The following SPTLC2 variants were observed in gnomAD, a reference collection of about 807,000 sequenced individuals.
SPTLC2 encodes serine palmitoyltransferase long chain base subunit 2.
In SPTLC2, 21 loss-of-function variants were observed where a neutral mutation model predicts 62.0. The ratio of observed to expected loss-of-function variants is 0.34; its 90% CI spans 0.24 to 0.49. SPTLC2 has a LOEUF of 0.49. Ranked by LOEUF, SPTLC2 falls within the 20% of genes least tolerant of loss-of-function variation. The pLI is 0.99. For missense variants in SPTLC2, 511 were observed against 713.0 expected (o/e 0.72, Z 3.23); for synonymous variants, 261 against 261.8 (o/e 1.00, Z 0.03).
chr14:77,594,091 C>G (rs771259989), intron 2 of SPTLC2, among the ~76,000 whole-genome samples: 10 of 152,186 alleles, frequency 6.6e-5, no homozygotes, highest in Non-Finnish European at 1.2e-4. Context: ...CTCCCATTTC[C>G]TTGTATTACT....
In SPTLC2 at chr14:77,615,401, A is replaced by G. The variant is rs2079961000; in HGVS notation, c.132+1047T>C. Among the ~76,000 whole-genome samples the G allele has an allele frequency of 2.6e-5, 4 of 152,330 alleles. No individual in the cohort carries two copies. In the South Asian group the frequency reaches 8.3e-4, roughly 32 times the overall value. On this transcript the variant is annotated intron_variant, in intron 1 of 11. Transcript: ENST00000216484. Reference sequence around the variant, plus strand: ...ACTCATCTGGGGAGTAGTTATGTTAAAGCCAAATTAAGATCACCATCCTAT... The same window carrying G: ...ACTCATCTGGGGAGTAGTTATGTTAGAGCCAAATTAAGATCACCATCCTAT...
At chr14:77,537,539 G>A (rs1176547258) in intron 9 of SPTLC2, among the ~76,000 whole-genome samples, 4 of 152,076 alleles carry the variant, frequency 2.6e-5, no homozygotes, top group Non-Finnish European at 5.9e-5. Flanking sequence ...ATGAAAACAC[G>A]TTATGTATTC....
At chr14:77,609,507 C>T (rs2079923568) in intron 1 of SPTLC2, among the ~76,000 whole-genome samples, 3 of 152,106 alleles carry the variant, frequency 2.0e-5, no homozygotes, top group Admixed American at 2.0e-4. Context: ...AAGTCCGAAG[C>T]GGATGGATCA....
chr14:77,534,176 T>TCACACACACA (rs749098041), intron 9 of SPTLC2, among the ~76,000 whole-genome samples: 1 of 110,550 alleles, frequency 9.0e-6, no homozygotes, highest in East Asian at 2.8e-4. Context: ...TCTCTCTCTC[T>TCACACACACA]CTCACACACA....
chr14:77,564,400 T>TACACACACACACACAC (rs6145397), intron 5 of SPTLC2, among the ~76,000 whole-genome samples: 17 of 139,312 alleles, frequency 1.2e-4, no homozygotes, highest in African/African-American at 2.7e-4. Flanking sequence ...TATGCATGCA[T>TACACACACACACACAC]ACACACACAC....
At chr14:77,608,811 T>C (rs967841125) in intron 1 of SPTLC2, among the ~76,000 whole-genome samples, 23 of 151,754 alleles carry the variant, frequency 1.5e-4, no homozygotes, top group African/African-American at 5.6e-4. Flanking sequence ...TCCAGCACTT[T>C]GGGAGGCTGA....
At position 77,616,437 on chromosome 14, in the gene SPTLC2, G is replaced by A; in HGVS notation, c.132+11C>T. Reference sequence around the variant, plus strand: ...CCGCCACCCCGGCCCCGCCGCGCGGGCCCCTCGTACCTGGCCGGCGGCGGC... The same window carrying A: ...CCGCCACCCCGGCCCCGCCGCGCGGACCCCTCGTACCTGGCCGGCGGCGGC... On this transcript the variant is annotated intron_variant, in intron 1 of 11. Transcript: ENST00000216484. 8 of 1,434,880 alleles carry A rather than the reference G, an allele frequency of 5.6e-6. No individual in the cohort carries two copies. The South Asian group carries it at 6.8e-5, about 12-fold the overall frequency. The allele number at this position is 1,434,880 out of a possible 1,614,324, so 88.9% of individuals were successfully genotyped here. A position where few individuals can be genotyped will look rare whatever the true frequency, so the allele number is the denominator to read the frequency against.
At chr14:77,570,237 A>G (rs2079673167) in intron 5 of SPTLC2, 147 bp downstream of exon 5, 5 of 1,173,462 alleles carry the variant, frequency 4.3e-6, no homozygotes, top group East Asian at 2.6e-5. Flanking sequence ...AAAAAAAAAA[A>G]AAAGAAAAAC....
intron 5 of SPTLC2, among the ~76,000 whole-genome samples, chr14:77,567,719 T>C (rs955826307): frequency 5.3e-5 from 8 of 152,172 alleles, no homozygotes; most frequent in African/African-American, 1.9e-4. Flanking sequence ...AATTTTCCTA[T>C]TGTCTATTTT....
Position 77,507,303 on chromosome 14 carries a change from C to T in SPTLC2, c.*4981G>A, listed in dbSNP as rs541638076. 1 of 151,244 alleles carries T rather than the reference C, an allele frequency of 6.6e-6. No homozygotes were observed. The highest frequency in any genetic ancestry group is 6.6e-5 in the Admixed American group (1 of 15,212). The allele number at this position is 151,244 out of a possible 1,614,324, so 9.4% of individuals were successfully genotyped here. ...TCTAATTTGGCTCTCTGGCTGGGCACATGGCAATGGCTAGGGGCCTGGGCA... is the reference window on the plus strand; with the variant it reads ...TCTAATTTGGCTCTCTGGCTGGGCATATGGCAATGGCTAGGGGCCTGGGCA... On this transcript the variant is annotated 3_prime_UTR_variant, in exon 12 of 12. Coordinates refer to ENST00000216484, the MANE Select transcript of SPTLC2 (RefSeq NM_004863.4).
Position 77,579,064 on chromosome 14 carries a change from T to C in SPTLC2, c.373A>G (p.Asn125Asp). ...YQDFENFYTR[N>D]LYMRIRDNWN... ...TTGTCTCTTATCCTCATGTACAGAT[T>C]CCTTGTATAAAAGTTTTCAAAATCT... Residue 125 changes from asparagine to aspartate, a missense_variant, in exon 3 of 12, where the codon AAT (asparagine) becomes GAT (aspartate). Physicochemically the swap from Asn to Asp is conservative, Grantham distance 23. Coordinates refer to ENST00000216484, the MANE Select transcript of SPTLC2 (RefSeq NM_004863.4). 1 of 1,614,154 alleles carries C rather than the reference T, an allele frequency of 6.2e-7. No homozygotes were observed.
At chr14:77,551,421 G>C (rs900861995) in intron 9 of SPTLC2, among the ~76,000 whole-genome samples, 2 of 144,728 alleles carry the variant, frequency 1.4e-5, no homozygotes, top group Non-Finnish European at 3.0e-5. Flanking sequence ...AAAGCGACAA[G>C]TGAAATTATT....
chr14:77,508,796 A>G lies in SPTLC2; in HGVS notation c.*3488T>C, dbSNP rs1021476138. ...CCAAAGGAGCTAGCTTAAGCCCCTA[A>G]TGAAAAGCCTCCTCCTGAAATGTAA... On this transcript the variant is annotated 3_prime_UTR_variant, in exon 12 of 12. Transcript: ENST00000216484. The G allele has an allele frequency of 1.3e-5, 2 of 152,206 alleles. No homozygotes were observed. The highest frequency in any genetic ancestry group is 4.8e-5 in the African/African-American group (2 of 41,450). The allele number at this position is 152,206 out of a possible 1,614,324, so 9.4% of individuals were successfully genotyped here. A position where few individuals can be genotyped will look rare whatever the true frequency, so the allele number is the denominator to read the frequency against.
rs191600355 is a variant in SPTLC2 at position 77,562,686 on chromosome 14, C to G, written c.757-197G>C. 2.7e-4 allele frequency among the ~76,000 whole-genome samples: 41 copies of G among 152,278 alleles called. 1 individual carries two copies. The highest frequency in any genetic ancestry group is 2.5e-3 in the Admixed American group (38 of 15,286). ...TGTAAAGACACCTTAAAAGTAGATG[C>G]AAAATTCTAGCCTTTTAATTTAATA... On this transcript the variant is annotated intron_variant, in intron 5 of 11. Transcript: ENST00000216484.
At chr14:77,575,594 C>CATAAT (rs2079711011) in intron 4 of SPTLC2, among the ~76,000 whole-genome samples, 2 of 152,054 alleles carry the variant, frequency 1.3e-5, no homozygotes, top group Non-Finnish European at 2.9e-5. Flanking sequence ...TGCAGTAGCA[C>CATAAT]GATCATAGCT....
rs957015698 is a variant in SPTLC2 at position 77,506,399 on chromosome 14, G to A, written c.*5885C>T. The A allele has an allele frequency of 2.6e-5, 4 of 152,180 alleles. No homozygotes were observed. Among genetic ancestry groups the A allele is most frequent in the African/African-American group, 9.7e-5 (4 of 41,448 alleles). 9.4% of individuals were successfully genotyped at this position (152,180 alleles called of 1,614,324 possible). Reference sequence around the variant, plus strand: ...TATGGGTCAACGAAGTAAGATCTCAGCTCTCCCATAAGCTATTGCTCTCTT... The same window carrying A: ...TATGGGTCAACGAAGTAAGATCTCAACTCTCCCATAAGCTATTGCTCTCTT... On this transcript the variant is annotated 3_prime_UTR_variant, in exon 12 of 12. Coordinates refer to ENST00000216484, the MANE Select transcript of SPTLC2 (RefSeq NM_004863.4).
intron 5 of SPTLC2, among the ~76,000 whole-genome samples, chr14:77,563,542 C>G (rs529382351): frequency 1.3e-5 from 2 of 152,322 alleles, no homozygotes; most frequent in African/African-American, 4.8e-5. Flanking sequence ...TCTCCTGCCT[C>G]AGCGTCCCAG....
intron 9 of SPTLC2, among the ~76,000 whole-genome samples, chr14:77,531,445 TCCTCCTTC>T (rs1566770724): frequency 7.3e-6 from 1 of 136,194 alleles, no homozygotes; most frequent in African/African-American, 3.1e-5. Flanking sequence ...CTTCTTCTTC[TCCTCCTTC>T]TCCTCCTCCT....
chr14:77,610,487 C>T (rs973677135), intron 1 of SPTLC2, among the ~76,000 whole-genome samples: 2 of 151,954 alleles, frequency 1.3e-5, no homozygotes, highest in South Asian at 2.1e-4. Context: ...GGTCTCGCCA[C>T]GTTGCCCAGG....
Sources: allele counts gnomAD v4.1 joint callset (sites outside exome capture counted in the v4.1 genomes callset), GRCh38; gene constraint gnomAD v4.1.1; transcripts MANE v1.5; gene names NCBI Gene and HGNC (gene_info 2026-07-23, HGNC 2026-07-21).